The following FER variants were observed in gnomAD, a reference collection of about 807,000 sequenced individuals.
The protein encoded by FER is tyrosine-protein kinase Fer.
In FER, 63 loss-of-function variants were observed where a neutral mutation model predicts 111.0. That is an observed-to-expected ratio of 0.57 (90% CI 0.46 to 0.70). The LOEUF is 0.70. Among genes scored for constraint, FER ranks in the 30% least tolerant of loss-of-function variants. The pLI, the probability that FER is intolerant of heterozygous loss-of-function variation, is 0.00. For missense variants in FER, 914 were observed against 954.0 expected, an observed-to-expected ratio of 0.96 and a Z score of 0.55; for synonymous variants, 327 against 313.9, an observed-to-expected ratio of 1.04 and a Z score of -0.44.
chr5:109,001,394 C>G (rs536835764), intron 13 of FER, among the ~76,000 whole-genome samples: 47 of 152,310 alleles, frequency 3.1e-4, no homozygotes, highest in African/African-American at 1.1e-3. Context: ...ACATGATTAT[C>G]TCAATAGATG....
chr5:108,840,369 A>G (rs915073025), intron 5 of FER, among the ~76,000 whole-genome samples: 1 of 152,132 alleles, frequency 6.6e-6, no homozygotes, highest in Non-Finnish European at 1.5e-5. Context: ...TTACTTTTGC[A>G]CCAATCTAAT....
chr5:109,072,073 A>G (rs1014908314), intron 16 of FER, among the ~76,000 whole-genome samples: 2 of 151,902 alleles, frequency 1.3e-5, no homozygotes, highest in African/African-American at 2.4e-5. Flanking sequence ...TCATATAAAT[A>G]AGACCAAGAT....
chr5:108,800,074 C>T (rs191842997), intron 3 of FER, among the ~76,000 whole-genome samples: 3 of 152,116 alleles, frequency 2.0e-5, no homozygotes, highest in Admixed American at 2.0e-4. Context: ...AACTCCTGAC[C>T]TCAAATGATC....
At chr5:108,856,745 T>G (rs1763047352) in intron 5 of FER, among the ~76,000 whole-genome samples, 1 of 152,184 alleles carries the variant, frequency 6.6e-6, no homozygotes, top group Non-Finnish European at 1.5e-5. Flanking sequence ...CGACTAGTCT[T>G]CTAAAGTAGA....
chr5:108,851,169 CA>C (rs1301320883), intron 5 of FER, among the ~76,000 whole-genome samples: 1 of 152,064 alleles, frequency 6.6e-6, no homozygotes, highest in East Asian at 1.9e-4. Flanking sequence ...AAAGACTGGG[CA>C]ATTTACAAAA....
intron 8 of FER, among the ~76,000 whole-genome samples, chr5:108,878,090 A>T (rs746741154): frequency 4.6e-5 from 7 of 151,982 alleles, no homozygotes; most frequent in Admixed American, 6.6e-5. Flanking sequence ...TATTTTTATT[A>T]GAGATGGGGT....
chr5:109,106,715 A>T (rs918816555), intron 17 of FER, among the ~76,000 whole-genome samples: 1 of 152,110 alleles, frequency 6.6e-6, no homozygotes, highest in African/African-American at 2.4e-5. Flanking sequence ...TTTTTATCCT[A>T]CTGCTTTATT....
chr5:108,916,721 A>G (rs1405271625), intron 10 of FER, among the ~76,000 whole-genome samples: 1 of 152,154 alleles, frequency 6.6e-6, no homozygotes, highest in Non-Finnish European at 1.5e-5. Context: ...GTGTGTTATT[A>G]TAAAAGAAAA....
chr5:109,067,227 TTTGTTGTTGTTGTTGTTGTTGTTG>T (rs111663056), intron 16 of FER, among the ~76,000 whole-genome samples: 1 of 150,008 alleles, frequency 6.7e-6, no homozygotes. Context: ...GAGTGACTGG[TTTGTTGTTGTTGTTGTTGTTGTTG>T]TTGTTGTTGT....
chr5:108,823,967 AG>A (rs1205163290), intron 3 of FER, among the ~76,000 whole-genome samples: 1 of 152,136 alleles, frequency 6.6e-6, no homozygotes, highest in African/African-American at 2.4e-5. Context: ...GGTCTAAGAT[AG>A]GGATCCAGTT....
At chr5:109,060,544 C>T (rs866438739) in intron 16 of FER, among the ~76,000 whole-genome samples, 6 of 151,746 alleles carry the variant, frequency 4.0e-5, no homozygotes, top group African/African-American at 7.3e-5. Context: ...ATTAGCTGGG[C>T]GTGGTGGTGT....
intron 2 of FER, among the ~76,000 whole-genome samples, chr5:108,794,531 C>G (rs866193810): frequency 1.5e-5 from 2 of 130,108 alleles, no homozygotes; most frequent in East Asian, 2.8e-4. Flanking sequence ...TCCGCACCCC[C>G]CCCCCTCCCC....
chr5:108,992,048 G>T (rs1019038909), intron 13 of FER, among the ~76,000 whole-genome samples: 1 of 151,930 alleles, frequency 6.6e-6, no homozygotes, highest in East Asian at 1.9e-4. Context: ...TGTGTCCCTG[G>T]GTACTTGAGG....
intron 13 of FER, among the ~76,000 whole-genome samples, chr5:108,977,072 C>G (rs957071620): frequency 6.6e-6 from 1 of 152,170 alleles, no homozygotes; most frequent in Non-Finnish European, 1.5e-5. Flanking sequence ...AGATGATTAG[C>G]ATCACACAGC....
intron 17 of FER, among the ~76,000 whole-genome samples, chr5:109,179,888 T>C (rs1351112297): frequency 6.6e-6 from 1 of 152,094 alleles, no homozygotes; most frequent in Non-Finnish European, 1.5e-5. Context: ...AATTTGGTTA[T>C]TGAATGTCCT....
chr5:109,080,240 G>T (rs1470957978), intron 16 of FER, among the ~76,000 whole-genome samples: 2 of 151,922 alleles, frequency 1.3e-5, no homozygotes, highest in African/African-American at 4.8e-5. Flanking sequence ...GCTGTCTCTG[G>T]CATTTAACCT....
intron 16 of FER, among the ~76,000 whole-genome samples, chr5:109,053,550 G>A (rs1175479366): frequency 7.0e-6 from 1 of 143,400 alleles, no homozygotes; most frequent in Non-Finnish European, 1.5e-5. Context: ...TCTGTCACTA[G>A]GTATTAGCAT....
chr5:108,976,065 A>T (rs956494333), intron 13 of FER, among the ~76,000 whole-genome samples: 1 of 152,224 alleles, frequency 6.6e-6, no homozygotes, highest in African/African-American at 2.4e-5. Flanking sequence ...ACCAATATGT[A>T]GAGAAAATAC....
At chr5:108,990,173 T>C (rs968612896) in intron 13 of FER, among the ~76,000 whole-genome samples, 2 of 151,986 alleles carry the variant, frequency 1.3e-5, no homozygotes, top group Non-Finnish European at 2.9e-5. Context: ...ATTAGCTTAG[T>C]CATTGAATTA....
Sources: allele counts gnomAD v4.1 joint callset (sites outside exome capture counted in the v4.1 genomes callset), GRCh38; gene constraint gnomAD v4.1.1; transcripts MANE v1.5; gene names NCBI Gene and HGNC (gene_info 2026-07-23, HGNC 2026-07-21).